Variants in PDSS2 observed in about 807,000 individuals in gnomAD.
PDSS2 encodes decaprenyl diphosphate synthase subunit 2, also known as all trans-polyprenyl-diphosphate synthase PDSS2.
Under a neutral mutation model 44.5 loss-of-function variants are expected in PDSS2, and 31 were observed. The ratio of observed to expected loss-of-function variants is 0.70; its 90% CI spans 0.52 to 0.94. The LOEUF (loss-of-function observed/expected upper bound fraction) is 0.94. Among genes scored for constraint, PDSS2 ranks in the 40% least tolerant of loss-of-function variants. PDSS2 has a pLI of 0.00. For synonymous variants in PDSS2, 157 were observed against 180.3 expected (o/e 0.87, Z 1.03); for missense variants, 452 against 482.2 (o/e 0.94, Z 0.59).
chr6:107,296,036 G>T (rs2192913), intron 2 of PDSS2, among the ~76,000 whole-genome samples: 4,241 of 152,252 alleles, frequency 0.028, 91 homozygotes, highest in East Asian at 0.057. Flanking sequence ...GCAAAGCTGG[G>T]TCGTGGTTCA....
chr6:107,239,381 TAAAC>T (rs1774338203), intron 4 of PDSS2, among the ~76,000 whole-genome samples: 1 of 152,170 alleles, frequency 6.6e-6, no homozygotes, highest in African/African-American at 2.4e-5. Context: ...GAAGAAATAT[TAAAC>T]AATCATTAAA....
rs1364768877 is a variant in PDSS2, at chr6:107,185,121, T to C, written c.1041+8701A>G. Among the ~76,000 whole-genome samples the C allele has an allele frequency of 1.2e-4, 6 of 48,596 alleles. No individual in the cohort carries two copies. In the East Asian group the frequency reaches 2.0e-3, roughly 16 times the overall value. 31.9% of individuals were successfully genotyped at this position (48,596 alleles called of 152,430 possible). A position where few individuals can be genotyped will look rare whatever the true frequency, so the allele number is the denominator to read the frequency against. Reference sequence around the variant, plus strand: ...CTGGACAACATAGTGAGACCTTATATCTAAAAAAAAAAAAAAAAAAAAGAA... The same window carrying C: ...CTGGACAACATAGTGAGACCTTATACCTAAAAAAAAAAAAAAAAAAAAGAA... On this transcript the variant is annotated intron_variant, in intron 7 of 7. Coordinates refer to ENST00000369037, the MANE Select transcript of PDSS2 (RefSeq NM_020381.4).
At chr6:107,224,496 A>G (rs1421795717) in intron 4 of PDSS2, among the ~76,000 whole-genome samples, 1 of 151,416 alleles carries the variant, frequency 6.6e-6, no homozygotes, top group Admixed American at 6.6e-5. Context: ...TAAAGACAAC[A>G]GTAAGGAAGG....
intron 1 of PDSS2, among the ~76,000 whole-genome samples, chr6:107,335,347 T>G (rs1777852379): frequency 6.6e-6 from 1 of 152,126 alleles, no homozygotes; most frequent in Non-Finnish European, 1.5e-5. Context: ...GACATATAAA[T>G]CACATTGCTT....
At chr6:107,233,766 T>C (rs999925084) in intron 4 of PDSS2, among the ~76,000 whole-genome samples, 12 of 152,102 alleles carry the variant, frequency 7.9e-5, no homozygotes, top group Non-Finnish European at 1.8e-4. Context: ...TGAGCTATGA[T>C]TGCATCACTG....
chr6:107,195,766 G>A (rs998611090), intron 6 of PDSS2, among the ~76,000 whole-genome samples: 1 of 152,062 alleles, frequency 6.6e-6, no homozygotes, highest in Non-Finnish European at 1.5e-5. Flanking sequence ...CGCCATGTTG[G>A]CCAGGCTGGT....
chr6:107,449,685 G>C (rs1406885870), intron 1 of PDSS2, among the ~76,000 whole-genome samples: 2 of 152,110 alleles, frequency 1.3e-5, no homozygotes, highest in South Asian at 2.1e-4. Flanking sequence ...TCCCACTTTG[G>C]CCTCTAGAGC....
intron 2 of PDSS2, among the ~76,000 whole-genome samples, chr6:107,275,546 T>C (rs1404183852): frequency 6.6e-6 from 1 of 152,088 alleles, no homozygotes; most frequent in Non-Finnish European, 1.5e-5. Flanking sequence ...CCTATGCAAC[T>C]GATAAGCTTT....
intron 4 of PDSS2, among the ~76,000 whole-genome samples, chr6:107,238,370 G>C (rs1172201059): frequency 6.6e-6 from 1 of 152,182 alleles, no homozygotes; most frequent in Non-Finnish European, 1.5e-5. Flanking sequence ...ATGTTACTCA[G>C]CATATAGTCA....
rs558367823 is a variant in PDSS2, at chr6:107,336,254, T to C, written c.297-1922A>G. 2.5e-4 allele frequency among the ~76,000 whole-genome samples: 31 copies of C among 123,742 alleles called. No homozygotes were observed. In the South Asian group the frequency reaches 8.0e-3, roughly 32 times the overall value. 81.2% of individuals were successfully genotyped at this position (123,742 alleles called of 152,430 possible). On this transcript the variant is annotated intron_variant, in intron 1 of 7. Transcript: ENST00000369037. ...TTGGGTGACAGAGCGAGATTCCGTC[T>C]CAGAAAAAAAAAAAAAAAAAAAGGA...
intron 1 of PDSS2, among the ~76,000 whole-genome samples, chr6:107,431,973 AT>A (rs1490072327): frequency 6.6e-6 from 1 of 152,222 alleles, no homozygotes; most frequent in Non-Finnish European, 1.5e-5. Context: ...CTATTTTCTT[AT>A]CTACAGCATC....
chr6:107,395,083 T>G (rs1779898911), intron 1 of PDSS2, among the ~76,000 whole-genome samples: 1 of 152,168 alleles, frequency 6.6e-6, no homozygotes, highest in South Asian at 2.1e-4. Flanking sequence ...GTTGACAGCT[T>G]TGTTTTTCCT....
At chr6:107,239,727 C>T (rs189834502) in intron 4 of PDSS2, among the ~76,000 whole-genome samples, 16 of 149,794 alleles carry the variant, frequency 1.1e-4, no homozygotes, top group South Asian at 4.3e-4. Flanking sequence ...CTGCAACCTC[C>T]GCCTTCCAGG....
chr6:107,251,804 A>C (rs559158430), intron 3 of PDSS2, among the ~76,000 whole-genome samples: 11 of 152,310 alleles, frequency 7.2e-5, no homozygotes, highest in African/African-American at 2.4e-4. Context: ...GATAAAGGTA[A>C]CCAGAGCAGG....
intron 4 of PDSS2, among the ~76,000 whole-genome samples, chr6:107,221,760 A>C (rs1773616800): frequency 6.6e-6 from 1 of 152,114 alleles, no homozygotes; most frequent in South Asian, 2.1e-4. Context: ...GTACATATCT[A>C]CTCACATGAG....
At chr6:107,261,907 CTTTT>C (rs58274022) in intron 3 of PDSS2, among the ~76,000 whole-genome samples, 1 of 117,102 alleles carries the variant, frequency 8.5e-6, no homozygotes, top group Non-Finnish European at 1.7e-5. Context: ...TCTTTCTTTT[CTTTT>C]TTTTTTTTTT....
intron 1 of PDSS2, among the ~76,000 whole-genome samples, chr6:107,448,578 A>G (rs1781764932): frequency 1.3e-5 from 2 of 152,172 alleles, no homozygotes; most frequent in Admixed American, 1.3e-4. Flanking sequence ...AAGCCATTCA[A>G]CAAGTCTCTA....
At chr6:107,333,133 A>G (rs1777764182) in intron 2 of PDSS2, among the ~76,000 whole-genome samples, 1 of 152,252 alleles carries the variant, frequency 6.6e-6, no homozygotes, top group South Asian at 2.1e-4. Context: ...AACAAGGTCA[A>G]TTAGCCATAA....
At chr6:107,458,198 A>T (rs1020014960) in intron 1 of PDSS2, among the ~76,000 whole-genome samples, 15 of 151,178 alleles carry the variant, frequency 9.9e-5, no homozygotes, top group Non-Finnish European at 7.4e-5. Context: ...AAAAAAAAAA[A>T]CTTTTGGCCG....
Sources: gnomAD v4.1 joint callset for allele counts (sites outside exome capture counted in the v4.1 genomes callset) on GRCh38, gnomAD v4.1.1 for gene constraint, MANE v1.5 for transcripts, NCBI Gene and HGNC (gene_info 2026-07-23, HGNC 2026-07-21) for gene names.